Variants in CEBPZ observed in about 807,000 individuals in gnomAD.
CEBPZ encodes CCAAT enhancer binding protein zeta.
A neutral mutation model predicts 104.5 loss-of-function variants in CEBPZ; 78 were observed. That is an observed-to-expected ratio of 0.75 (90% CI 0.62 to 0.90). The LOEUF (loss-of-function observed/expected upper bound fraction) is 0.90, where lower values mean the gene tolerates loss of function less well. CEBPZ is among the 40% of genes least tolerant of loss of function. The probability of loss-of-function intolerance (pLI) is 0.00; values close to 1 mark genes in which losing one functional copy is unlikely to be tolerated. For missense variants in CEBPZ, 1,439 were observed against 1,233.5 expected, an observed-to-expected ratio of 1.17 and a Z score of -2.50; for synonymous variants, 470 against 427.0, an observed-to-expected ratio of 1.10 and a Z score of -1.24.
At chr2:37,204,347 G>C (rs571996972) in intron 13 of CEBPZ, 2 of 144,920 alleles carry the variant, frequency 1.4e-5, no homozygotes, top group Non-Finnish European at 3.0e-5. Flanking sequence ...GCGTGATCTC[G>C]GCTCACTGCA....
chr2:37,206,030 A>G (rs908342702), intron 13 of CEBPZ, among the ~76,000 whole-genome samples: 3 of 152,252 alleles, frequency 2.0e-5, no homozygotes, highest in Admixed American at 6.5e-5. Flanking sequence ...AGCAGAGATT[A>G]GCATGTGAAT....
rs753932271 is a variant in CEBPZ, at chr2:37,202,874, C to T, written c.2944-9G>A. On this transcript the variant is annotated splice_polypyrimidine_tract_variant and intron_variant, in intron 14 of 15. Coordinates refer to ENST00000234170, the MANE Select transcript of CEBPZ (RefSeq NM_005760.3). Reference sequence around the variant, plus strand: ...TCCAATAGATGGCCAAACTTTTAAACAAAAACGATAAATTTATTAGAAAAC... The same window carrying T: ...TCCAATAGATGGCCAAACTTTTAAATAAAAACGATAAATTTATTAGAAAAC... 20 of 1,596,226 alleles carry T rather than the reference C, an allele frequency of 1.3e-5. No homozygotes were observed. Among genetic ancestry groups the T allele is most frequent in the Non-Finnish European group, 1.7e-5 (20 of 1,171,614 alleles).
intron 6 of CEBPZ, 43 bp from the exon 7 acceptor site, chr2:37,216,461 G>C (rs760533960): frequency 7.4e-7 from 1 of 1,353,998 alleles, no homozygotes; most frequent in Non-Finnish European, 1.0e-6. Context: ...TTCAAATTAT[G>C]TCTATGAATC....
chr2:37,230,709 C>G (rs955859575), intron 1 of CEBPZ, among the ~76,000 whole-genome samples: 1 of 152,174 alleles, frequency 6.6e-6, no homozygotes, highest in Non-Finnish European at 1.5e-5. Context: ...TTAACTCACT[C>G]TGCCTCTGCT....
At position 37,214,911 on chromosome 2, in the gene CEBPZ, G is replaced by A. The variant is rs757252807; in HGVS notation, c.2422C>T (p.Pro808Ser). ...EFLAKEESQI[P>S]VDEVFFHRYY... ...CTGTGGAAAAACACTTCATCCACTG[G>A]TATTTGGCTTTCTTCTTTTGCAAGG... Residue 808 changes from proline to serine, a missense_variant, in exon 9 of 16, where the codon CCA (proline) becomes TCA (serine). Coordinates refer to ENST00000234170, the MANE Select transcript of CEBPZ (RefSeq NM_005760.3). 5 of 1,610,524 alleles carry A rather than the reference G, an allele frequency of 3.1e-6. No individual in the cohort carries two copies. The highest frequency in any genetic ancestry group is 4.2e-6 in the Non-Finnish European group (5 of 1,177,082).
intron 2 of CEBPZ, 55 bp downstream of exon 2, chr2:37,227,489 C>T: frequency 6.6e-7 from 1 of 1,514,366 alleles, no homozygotes; most frequent in Non-Finnish European, 8.8e-7. Flanking sequence ...ACTGCTTGTG[C>T]TGTACTACAT....
rs1664953253 is a variant in CEBPZ, at chr2:37,228,697, T to C, written c.496A>G (p.Ile166Val). Reference protein sequence around the residue: ...TPKVKKDKQNIFEFFERQTLL... With the variant: ...TPKVKKDKQNVFEFFERQTLL... ...GTCTGTCTCTCAAAAAATTCAAAGA[T>C]GTTCTGTTTATCTTTCTTTACTTTC... is the stretch of plus-strand genomic sequence containing the variant. The change falls in exon 2 of 16, where the codon ATC becomes GTC. Residue 166 changes from isoleucine (I) to valine (V), a missense_variant. Coordinates refer to ENST00000234170, the MANE Select transcript of CEBPZ (RefSeq NM_005760.3). The C allele has an allele frequency of 6.2e-7, 1 of 1,614,216 alleles. No homozygotes were observed. The highest frequency in any genetic ancestry group is 8.5e-7 in the Non-Finnish European group (1 of 1,180,032).
At chr2:37,208,950 A>T (rs1035173173) in intron 13 of CEBPZ, 3 of 152,144 alleles carry the variant, frequency 2.0e-5, no homozygotes, top group African/African-American at 7.2e-5. Flanking sequence ...GTTTCAGGAT[A>T]CAAAATCAAT....
chr2:37,205,890 G>T (rs780810389), intron 13 of CEBPZ, among the ~76,000 whole-genome samples: 14 of 152,224 alleles, frequency 9.2e-5, no homozygotes, highest in Admixed American at 9.2e-4. Context: ...AGAAAGAAGA[G>T]TTCGTATCAT....
Position 37,223,383 on chromosome 2 carries a change from C to T in CEBPZ, c.1668G>A (p.Gly556=). The change falls in exon 3 of 16, where the codon GGG becomes GGA. Residue 556 remains glycine, a synonymous_variant. Coordinates refer to ENST00000234170, the MANE Select transcript of CEBPZ (RefSeq NM_005760.3). ...TAGCTTGCTTGGAACACGTCATCAA[C>T]CCTGGATCCAACATCTTCCTGCAAA... ...TALYRKMLDP[G]LMTCSKQAMF... is the part of the protein sequence containing the mutation. 1.2e-6 allele frequency: 2 copies of T among 1,613,942 alleles called. No individual in the cohort carries two copies. The highest frequency in any genetic ancestry group is 2.2e-5 in the East Asian group (1 of 44,874).
chr2:37,230,706 A>ACT (rs1665048812), intron 1 of CEBPZ, among the ~76,000 whole-genome samples: 1 of 151,270 alleles, frequency 6.6e-6, no homozygotes, highest in African/African-American at 2.4e-5. Context: ...CCCTTAACTC[A>ACT]CTCTGCCTCT....
chr2:37,220,737 T>A (rs1415536652), intron 4 of CEBPZ, among the ~76,000 whole-genome samples: 1 of 152,192 alleles, frequency 6.6e-6, no homozygotes, highest in Non-Finnish European at 1.5e-5. Context: ...ACACCTGTAA[T>A]CACAGCACTT....
intron 13 of CEBPZ, 113 bp downstream of exon 13, chr2:37,210,883 ACCC>A: frequency 2.3e-6 from 1 of 438,192 alleles, no homozygotes; most frequent in Non-Finnish European, 3.9e-6. Context: ...CTTAAAAAGA[ACCC>A]CCCCCACCCC....
At chr2:37,210,644 A>G (rs973404798) in intron 13 of CEBPZ, 15 of 167,616 alleles carry the variant, frequency 8.9e-5, no homozygotes, top group Non-Finnish European at 1.4e-4. Flanking sequence ...GCAGTGGGGG[A>G]TAAGAGTACA....
chr2:37,204,861 T>A (rs1057170080), intron 13 of CEBPZ: 1 of 152,250 alleles, frequency 6.6e-6, no homozygotes, highest in African/African-American at 2.4e-5. Context: ...AGTACTTTAC[T>A]ATTTGAAACA....
At chr2:37,211,673 A>T in intron 12 of CEBPZ, 170 bp downstream of exon 12, 1 of 553,542 alleles carries the variant, frequency 1.8e-6, no homozygotes, top group Non-Finnish European at 3.1e-6. Context: ...AACACACAAT[A>T]AAAACCCTTC....
intron 13 of CEBPZ, among the ~76,000 whole-genome samples, chr2:37,208,035 A>T (rs1025887196): frequency 2.1e-4 from 32 of 152,166 alleles, no homozygotes; most frequent in African/African-American, 7.7e-4. Context: ...ATGCACAAAA[A>T]CTAGAAAACC....
At chr2:37,209,778 G>A (rs905104481) in intron 13 of CEBPZ, 5 of 151,904 alleles carry the variant, frequency 3.3e-5, no homozygotes, top group African/African-American at 9.7e-5. Context: ...AAAACAAATA[G>A]ATGGGACTTA....
rs765714706 is a variant in CEBPZ, at chr2:37,231,371, C to G, written c.156+41G>C. The G allele has an allele frequency of 8.1e-6, 13 of 1,612,262 alleles. No homozygotes were observed. The Admixed American group carries it at 1.2e-4, about 14-fold the overall frequency. On this transcript the variant is annotated intron_variant, in intron 1 of 15. Transcript: ENST00000234170. ...AGTCAGCCTAGCCACCTTCGGAACT[C>G]TCCACGCCTGATCCCGTTCCCCGGA... is the stretch of plus-strand genomic sequence containing the variant.
Sources: gnomAD v4.1 joint callset for allele counts (sites outside exome capture counted in the v4.1 genomes callset) on GRCh38, gnomAD v4.1.1 for gene constraint, MANE v1.5 for transcripts, NCBI Gene and HGNC (gene_info 2026-07-23, HGNC 2026-07-21) for gene names.